The following MMP26 variants were observed in gnomAD, a reference collection of about 807,000 sequenced individuals.
MMP26 encodes matrix metallopeptidase 26, also known as matrix metalloproteinase-26.
Under a neutral mutation model 31.0 loss-of-function variants are expected in MMP26, and 33 were observed. The ratio of observed to expected loss-of-function variants is 1.06; its 90% CI spans 0.81 to 1.42. The LOEUF is 1.42. Ranked by LOEUF, MMP26 falls within the 40% of genes most tolerant of loss-of-function variation. The pLI, the probability that MMP26 is intolerant of heterozygous loss-of-function variation, is 0.00. For synonymous variants in MMP26, 122 were observed against 114.9 expected, an observed-to-expected ratio of 1.06 and a Z score of -0.40; for missense variants, 347 against 316.1, an observed-to-expected ratio of 1.10 and a Z score of -0.74.
At chr11:4,750,855 G>T (rs985743441) in intron 1 of MMP26, among the ~76,000 whole-genome samples, 7 of 152,014 alleles carry the variant, frequency 4.6e-5, no homozygotes, top group African/African-American at 1.4e-4. Context: ...TATACTAAAA[G>T]CCCAGACTTC....
At chr11:4,938,372 T>C (rs1416719896) in intron 2 of MMP26, 1 of 151,846 alleles carries the variant, frequency 6.6e-6, no homozygotes, top group Admixed American at 6.6e-5. Context: ...TGGTAGAAGA[T>C]ATTGCTTTCT....
chr11:4,974,967 G>C (rs922145799), intron 2 of MMP26, among the ~76,000 whole-genome samples: 2 of 152,036 alleles, frequency 1.3e-5, no homozygotes, highest in Admixed American at 6.5e-5. Context: ...GTTGAGGTGG[G>C]GGGAGGGAGA....
At chr11:4,793,332 AT>A (rs574105544) in intron 2 of MMP26, among the ~76,000 whole-genome samples, 1 of 151,952 alleles carries the variant, frequency 6.6e-6, no homozygotes, top group Non-Finnish European at 1.5e-5. Context: ...TGGTGTTTCT[AT>A]TTTTTTTGTA....
intron 2 of MMP26, among the ~76,000 whole-genome samples, chr11:4,843,654 G>A (rs1222665596): frequency 1.3e-5 from 2 of 152,250 alleles, no homozygotes; most frequent in East Asian, 3.8e-4. Flanking sequence ...AGGGGCTGCA[G>A]TGAAGGTCTG....
At chr11:4,863,802 A>G (rs1025334521) in intron 2 of MMP26, 3 of 152,200 alleles carry the variant, frequency 2.0e-5, no homozygotes, top group African/African-American at 7.2e-5. Flanking sequence ...CACTTGAGCT[A>G]TCCCTTCCTA....
intron 1 of MMP26, chr11:4,722,609 G>C: frequency 1.7e-6 from 1 of 579,596 alleles, no homozygotes; most frequent in East Asian, 2.9e-5. Flanking sequence ...CCCGTGGGTG[G>C]GCTGAGGGCT....
chr11:4,806,152 G>T (rs945501558), intron 2 of MMP26, among the ~76,000 whole-genome samples: 2 of 152,026 alleles, frequency 1.3e-5, no homozygotes, highest in African/African-American at 4.8e-5. Context: ...CTATGTGGTC[G>T]ATTTTGGAAT....
chr11:4,757,966 A>G (rs1345594397), intron 1 of MMP26, among the ~76,000 whole-genome samples: 3 of 152,098 alleles, frequency 2.0e-5, no homozygotes, highest in Admixed American at 6.6e-5. Context: ...AAATTGAAAC[A>G]TAAACTTACC....
At chr11:4,835,595 G>A (rs1326575975) in intron 2 of MMP26, among the ~76,000 whole-genome samples, 15 of 152,114 alleles carry the variant, frequency 9.9e-5, no homozygotes, top group East Asian at 1.9e-4. Context: ...GAGCAATTGA[G>A]GCTCTGCTGT....
At chr11:4,868,044 A>C (rs1850260717) in intron 2 of MMP26, among the ~76,000 whole-genome samples, 1 of 152,192 alleles carries the variant, frequency 6.6e-6, no homozygotes, top group Admixed American at 6.6e-5. Flanking sequence ...TAGATATACC[A>C]TGTAATACTA....
At chr11:4,752,842 G>A (rs191060645) in intron 1 of MMP26, 388 of 153,290 alleles carry the variant, frequency 2.5e-3, no homozygotes, top group Middle Eastern at 8.2e-3. Context: ...ATGACAAAAA[G>A]GATCAGGGTA....
At chr11:4,823,805 T>C (rs777721507) in intron 2 of MMP26, among the ~76,000 whole-genome samples, 6 of 152,162 alleles carry the variant, frequency 3.9e-5, no homozygotes, top group African/African-American at 1.4e-4. Flanking sequence ...AATTATGTGA[T>C]TAAGCATCTG....
intron 1 of MMP26, chr11:4,710,927 G>C (rs1268000428): frequency 6.5e-6 from 1 of 154,268 alleles, no homozygotes; most frequent in East Asian, 1.9e-4. Flanking sequence ...TATTCCACCA[G>C]ACAGATTGTA....
chr11:4,710,925 C>T lies in MMP26; in HGVS notation c.-217+5880C>T, dbSNP rs76958771. On this transcript the variant is annotated intron_variant, in intron 1 of 7. Coordinates refer to ENST00000380390, the MANE Select transcript of MMP26 (RefSeq NM_021801.5). ...TATTTGTGATGATTCATTATTCCACCAGACAGATTGTAAATGGCTGAAGAA... is the reference window on the plus strand; with the variant it reads ...TATTTGTGATGATTCATTATTCCACTAGACAGATTGTAAATGGCTGAAGAA... 5.6e-3 allele frequency: 867 copies of T among 154,444 alleles called. 6 individuals are homozygous for T. Among genetic ancestry groups the T allele is most frequent in the Non-Finnish European group, 1.0e-2 (694 of 69,432 alleles). The allele number at this position is 154,444 out of a possible 1,614,324, so 9.6% of individuals were successfully genotyped here.
At chr11:4,836,779 C>T (rs1308812747) in intron 2 of MMP26, among the ~76,000 whole-genome samples, 1 of 150,424 alleles carries the variant, frequency 6.6e-6, no homozygotes, top group African/African-American at 2.4e-5. Context: ...CCTGCCTCAG[C>T]CTCCCGAGTA....
chr11:4,790,142 C>T (rs1216939858), intron 2 of MMP26, among the ~76,000 whole-genome samples: 1 of 151,976 alleles, frequency 6.6e-6, no homozygotes, highest in Non-Finnish European at 1.5e-5. Flanking sequence ...GAGATTGAGA[C>T]CATCCTGGCT....
chr11:4,716,765 G>C (rs780062363), intron 1 of MMP26, among the ~76,000 whole-genome samples: 5 of 139,198 alleles, frequency 3.6e-5, no homozygotes, highest in Non-Finnish European at 7.6e-5. Context: ...AGGTTCAAGC[G>C]ATTCTCCTGC....
intron 2 of MMP26, among the ~76,000 whole-genome samples, chr11:4,922,313 G>T (rs576729656): frequency 6.6e-6 from 1 of 152,272 alleles, no homozygotes; most frequent in African/African-American, 2.4e-5. Context: ...TAACTAGAAA[G>T]AGAAGAAATT....
intron 1 of MMP26, among the ~76,000 whole-genome samples, chr11:4,748,417 G>T (rs1564900315): frequency 6.6e-6 from 1 of 151,602 alleles, no homozygotes; most frequent in Non-Finnish European, 1.5e-5. Flanking sequence ...AAATCAAGGA[G>T]GGGGGAATTA....
Sources: allele counts gnomAD v4.1 joint callset (sites outside exome capture counted in the v4.1 genomes callset), GRCh38; gene constraint gnomAD v4.1.1; transcripts MANE v1.5; gene names NCBI Gene and HGNC (gene_info 2026-07-23, HGNC 2026-07-21).